MIPEP: variants seen among roughly 807,000 people sequenced by gnomAD.
The protein encoded by MIPEP is mitochondrial intermediate peptidase.
MIPEP carries 79 observed loss-of-function variants against 90.3 expected under a neutral mutation model. The observed-to-expected ratio is 0.87, with a 90% CI of 0.73 to 1.05. The LOEUF is 1.05. Among genes scored for constraint, MIPEP ranks in the 50% least tolerant of loss-of-function variants. The pLI, the probability that MIPEP is intolerant of heterozygous loss-of-function variation, is 0.00. For synonymous variants in MIPEP, 334 were observed against 315.8 expected, an observed-to-expected ratio of 1.06 and a Z score of -0.61; for missense variants, 940 against 905.6, an observed-to-expected ratio of 1.04 and a Z score of -0.49.
intron 9 of MIPEP, among the ~76,000 whole-genome samples, chr13:23,860,087 C>A (rs1870223068): frequency 6.6e-6 from 1 of 152,170 alleles, no homozygotes; most frequent in African/African-American, 2.4e-5. Context: ...CAGACAAAAA[C>A]AAGAGGATGA....
chr13:23,812,285 T>G (rs1025728981), intron 14 of MIPEP, among the ~76,000 whole-genome samples: 1 of 151,968 alleles, frequency 6.6e-6, no homozygotes, highest in Non-Finnish European at 1.5e-5. Context: ...GCCAAATGAA[T>G]AGGTGTTAAC....
chr13:23,815,290 T>C (rs1953219812), intron 14 of MIPEP, among the ~76,000 whole-genome samples: 1 of 150,494 alleles, frequency 6.6e-6, no homozygotes. Context: ...AAGTTCTAAA[T>C]AAGGAATGTA....
In MIPEP at chr13:23,837,762, A is replaced by C; in HGVS notation, c.1339-6T>G. On this transcript the variant is annotated splice_region_variant and splice_polypyrimidine_tract_variant and intron_variant, in intron 12 of 18. Coordinates refer to ENST00000382172, the MANE Select transcript of MIPEP (RefSeq NM_005932.4). ...CGGATAGTGAAATGGCAATCCTTTA[A>C]GAATCAGAAAACATAAAAGGAAAAG... The C allele has an allele frequency of 6.3e-7, 1 of 1,598,218 alleles. No homozygotes were observed. Among genetic ancestry groups the C allele is most frequent in the Non-Finnish European group, 8.6e-7 (1 of 1,165,964 alleles).
At chr13:23,812,384 T>C (rs761912572) in intron 14 of MIPEP, among the ~76,000 whole-genome samples, 6 of 151,962 alleles carry the variant, frequency 3.9e-5, no homozygotes, top group South Asian at 2.1e-4. Context: ...AACAGGGCTG[T>C]TGGCAGAAGG....
intron 15 of MIPEP, among the ~76,000 whole-genome samples, chr13:23,807,653 G>A (rs893145944): frequency 1.3e-5 from 2 of 152,008 alleles, no homozygotes; most frequent in African/African-American, 2.4e-5. Context: ...AATGAGTAAC[G>A]ATGCATAAAG....
At chr13:23,815,491 T>C (rs1243442155) in intron 14 of MIPEP, among the ~76,000 whole-genome samples, 1 of 152,158 alleles carries the variant, frequency 6.6e-6, no homozygotes, top group Admixed American at 6.5e-5. Context: ...TTTTGTATAG[T>C]AGAGATGGGG....
chr13:23,799,428 G>A (rs1049643805), intron 16 of MIPEP, among the ~76,000 whole-genome samples: 3 of 151,986 alleles, frequency 2.0e-5, no homozygotes, highest in South Asian at 2.1e-4. Context: ...TCTGGGTCAC[G>A]CCATTCTTCT....
At chr13:23,848,077 C>T (rs1449868181) in intron 10 of MIPEP, among the ~76,000 whole-genome samples, 1 of 152,146 alleles carries the variant, frequency 6.6e-6, no homozygotes, top group Non-Finnish European at 1.5e-5. Context: ...TACTATTTCT[C>T]ATTGGTTCCA....
chr13:23,851,594 C>A (rs1869801897), intron 10 of MIPEP, among the ~76,000 whole-genome samples: 1 of 152,176 alleles, frequency 6.6e-6, no homozygotes, highest in Non-Finnish European at 1.5e-5. Context: ...AGAGGGAAAC[C>A]CTCATCGCAG....
At chr13:23,731,972 T>A (rs1440683589) in intron 18 of MIPEP, among the ~76,000 whole-genome samples, 2 of 135,008 alleles carry the variant, frequency 1.5e-5, no homozygotes, top group Non-Finnish European at 3.1e-5. Flanking sequence ...TAGCTAATTT[T>A]TTTTTTTTTT....
chr13:23,783,691 T>C (rs1952806657), intron 16 of MIPEP, among the ~76,000 whole-genome samples: 1 of 152,212 alleles, frequency 6.6e-6, no homozygotes, highest in South Asian at 2.1e-4. Flanking sequence ...TGATTGTATA[T>C]TTAGAAAACC....
intron 18 of MIPEP, among the ~76,000 whole-genome samples, chr13:23,739,978 C>T (rs1673333329): frequency 1.3e-5 from 2 of 152,130 alleles, no homozygotes; most frequent in South Asian, 2.1e-4. Context: ...TAGGATATTG[C>T]TTTTTTCCAC....
chr13:23,762,373 CA>C (rs1952556571), intron 16 of MIPEP, among the ~76,000 whole-genome samples: 1 of 152,168 alleles, frequency 6.6e-6, no homozygotes, highest in Non-Finnish European at 1.5e-5. Flanking sequence ...TCCCTGTATT[CA>C]CTACACAGTG....
intron 12 of MIPEP, 43 bp downstream of exon 12, chr13:23,839,606 G>T: frequency 7.7e-7 from 1 of 1,305,720 alleles, no homozygotes; most frequent in Non-Finnish European, 1.1e-6. Context: ...CAAATGAAAT[G>T]CCGATCGGTT....
intron 18 of MIPEP, among the ~76,000 whole-genome samples, chr13:23,738,850 C>T (rs1450739429): frequency 6.6e-6 from 1 of 152,118 alleles, no homozygotes; most frequent in African/African-American, 2.4e-5. Flanking sequence ...AATTCTTAAT[C>T]CCCCATCCGA....
intron 18 of MIPEP, among the ~76,000 whole-genome samples, chr13:23,745,654 G>A (rs1855398459): frequency 6.6e-6 from 1 of 152,166 alleles, no homozygotes; most frequent in African/African-American, 2.4e-5. Flanking sequence ...CAGACCAGGT[G>A]CAGTGGCTCA....
At chr13:23,798,832 C>A (rs560484724) in intron 16 of MIPEP, among the ~76,000 whole-genome samples, 1 of 151,992 alleles carries the variant, frequency 6.6e-6, no homozygotes, top group Non-Finnish European at 1.5e-5. Flanking sequence ...TGAGCAGATG[C>A]CAGTGTTATG....
chr13:23,786,286 T>C (rs1331880816), intron 16 of MIPEP, among the ~76,000 whole-genome samples: 1 of 151,854 alleles, frequency 6.6e-6, no homozygotes, highest in Non-Finnish European at 1.5e-5. Context: ...TCAAAACAAA[T>C]TTACATAATT....
chr13:23,746,390 T>A (rs1317429884), intron 18 of MIPEP, among the ~76,000 whole-genome samples: 1 of 151,434 alleles, frequency 6.6e-6, no homozygotes, highest in African/African-American at 2.4e-5. Flanking sequence ...TCTCAGCACT[T>A]TGGGAGGCTG....
Sources: gnomAD v4.1 joint callset for allele counts (sites outside exome capture counted in the v4.1 genomes callset) on GRCh38, gnomAD v4.1.1 for gene constraint, MANE v1.5 for transcripts, NCBI Gene and HGNC (gene_info 2026-07-23, HGNC 2026-07-21) for gene names.